DHDDS: variants seen among roughly 807,000 people sequenced by gnomAD.
The protein encoded by DHDDS is dehydrodolichyl diphosphate synthase subunit.
DHDDS carries 16 observed loss-of-function variants against 46.2 expected under a neutral mutation model. That is an observed-to-expected ratio of 0.35 (90% CI 0.23 to 0.53). The LOEUF (loss-of-function observed/expected upper bound fraction) is 0.53, where lower values mean the gene tolerates loss of function less well. Ranked by LOEUF, DHDDS falls within the 20% of genes least tolerant of loss-of-function variation. The pLI is 0.94. For missense variants in DHDDS, 340 were observed against 423.7 expected, an observed-to-expected ratio of 0.80 and a Z score of 1.73; for synonymous variants, 151 against 163.1, an observed-to-expected ratio of 0.93 and a Z score of 0.56.
At chr1:26,454,658 T>C in intron 6 of DHDDS, 1 of 1,436,932 alleles carries the variant, frequency 7.0e-7, no homozygotes, top group Non-Finnish European at 9.6e-7. Flanking sequence ...TAAGTTTTTG[T>C]TTCTTCAGTT....
At chr1:26,464,605 G>A (rs1274912473) in intron 8 of DHDDS, among the ~76,000 whole-genome samples, 1 of 152,144 alleles carries the variant, frequency 6.6e-6, no homozygotes, top group Admixed American at 6.5e-5. Context: ...CAGACTAACA[G>A]CATCCTCACC....
At chr1:26,450,856 G>C (rs971814383) in intron 6 of DHDDS, among the ~76,000 whole-genome samples, 1 of 152,104 alleles carries the variant, frequency 6.6e-6, no homozygotes, top group African/African-American at 2.4e-5. Context: ...TTATATTTTT[G>C]TGCTTTATAA....
chr1:26,440,676 G>C (rs2075209382), intron 3 of DHDDS, among the ~76,000 whole-genome samples: 1 of 152,226 alleles, frequency 6.6e-6, no homozygotes, highest in Non-Finnish European at 1.5e-5. Flanking sequence ...TTTAGGGCCT[G>C]AGGCTATTCA....
chr1:26,455,486 C>A (rs1051371757), intron 6 of DHDDS, among the ~76,000 whole-genome samples: 1 of 152,234 alleles, frequency 6.6e-6, no homozygotes, highest in Admixed American at 6.5e-5. Context: ...GTGGCTCACA[C>A]CTGTAATCCC....
intron 6 of DHDDS, chr1:26,455,143 G>A: frequency 1.3e-6 from 1 of 776,372 alleles, no homozygotes. Flanking sequence ...CTCTTGATTT[G>A]CATGATATCA....
chr1:26,453,547 A>G (rs565584801), intron 6 of DHDDS, among the ~76,000 whole-genome samples: 12 of 152,264 alleles, frequency 7.9e-5, no homozygotes, highest in African/African-American at 2.6e-4. Context: ...GCTTGAGCTC[A>G]TAAGTTCGAG....
chr1:26,446,195 G>C, intron 4 of DHDDS, 121 bp from the exon 5 acceptor site: 1 of 737,284 alleles, frequency 1.4e-6, no homozygotes, highest in Non-Finnish European at 2.3e-6. Flanking sequence ...AATGCATGTA[G>C]AACAGGGTCT....
Position 26,468,922 on chromosome 1 carries a change from C to G in DHDDS, c.793C>G (p.Arg265Gly). The change falls in exon 9 of 9, where the codon CGG (arginine) becomes GGG (glycine). Residue 265 changes from arginine (R) to glycine (G), a missense_variant. Arg to Gly is a moderately radical substitution (Grantham distance 125, BLOSUM62 -2). Coordinates refer to ENST00000236342, the MANE Select transcript of DHDDS (RefSeq NM_205861.3). ...QKARDMYAEE[R>G]KRQQLERDQA... ...GGCCCGAGACATGTATGCAGAGGAG[C>G]GGAAGAGGCAGCAGCTGGAGAGGGA... 1 of 1,613,900 alleles carries G rather than the reference C, an allele frequency of 6.2e-7. No individual in the cohort carries two copies. The highest frequency in any genetic ancestry group is 8.5e-7 in the Non-Finnish European group (1 of 1,179,988).
At chr1:26,457,219 G>C (rs2075377653) in intron 6 of DHDDS, among the ~76,000 whole-genome samples, 2 of 151,376 alleles carry the variant, frequency 1.3e-5, no homozygotes, top group South Asian at 4.2e-4. Context: ...AGCACTTTCA[G>C]AGGCCGAGGG....
At chr1:26,433,549 T>A (rs1351732236) in intron 2 of DHDDS, among the ~76,000 whole-genome samples, 1 of 151,588 alleles carries the variant, frequency 6.6e-6, no homozygotes, top group Non-Finnish European at 1.5e-5. Context: ...CTCGGAAGGC[T>A]GAAGTGGGAG....
At chr1:26,441,371 T>C (rs949349840) in intron 3 of DHDDS, among the ~76,000 whole-genome samples, 3 of 152,022 alleles carry the variant, frequency 2.0e-5, no homozygotes, top group Admixed American at 2.0e-4. Flanking sequence ...GCTAAGTTTC[T>C]GTATTTTTAG....
chr1:26,437,517 C>G (rs1292724914), intron 2 of DHDDS, among the ~76,000 whole-genome samples: 4 of 151,080 alleles, frequency 2.6e-5, no homozygotes, highest in Non-Finnish European at 4.4e-5. Flanking sequence ...GTCACCCAGG[C>G]TGGAGTGCAG....
At chr1:26,448,907 G>A (rs920813041) in intron 6 of DHDDS, among the ~76,000 whole-genome samples, 10 of 152,116 alleles carry the variant, frequency 6.6e-5, no homozygotes, top group Non-Finnish European at 1.0e-4. Flanking sequence ...TTCCCGATTC[G>A]ATTGACCTAG....
chr1:26,470,454 T>A lies in DHDDS; in HGVS notation c.*1323T>A, dbSNP rs1487561862. On this transcript the variant is annotated 3_prime_UTR_variant, in exon 9 of 9. Coordinates refer to ENST00000236342, the MANE Select transcript of DHDDS (RefSeq NM_205861.3). Reference sequence around the variant, plus strand: ...GAGCCACCATGCCAGACTTCCCATTTTACTTTCTGCAAGCTGTTTCCCTAG... The same window carrying A: ...GAGCCACCATGCCAGACTTCCCATTATACTTTCTGCAAGCTGTTTCCCTAG... 1 of 152,120 alleles carries A rather than the reference T, an allele frequency of 6.6e-6. No individual in the cohort carries two copies. 9.4% of individuals were successfully genotyped at this position (152,120 alleles called of 1,614,324 possible). A position where few individuals can be genotyped will look rare whatever the true frequency, so the allele number is the denominator to read the frequency against.
intron 8 of DHDDS, among the ~76,000 whole-genome samples, chr1:26,463,943 A>G (rs1480558088): frequency 6.8e-6 from 1 of 147,676 alleles, no homozygotes; most frequent in Non-Finnish European, 1.5e-5. Context: ...AAGGTGTTTG[A>G]GGTCAACTAT....
intron 8 of DHDDS, 83 bp from the exon 9 acceptor site, chr1:26,468,812 C>CCCCCCCCCCACCCCCA: frequency 1.5e-5 from 9 of 601,112 alleles, no homozygotes; most frequent in East Asian, 4.3e-5. Context: ...CCACCCTGTG[C>CCCCCCCCCCACCCCCA]CCCACCCCCT....
At chr1:26,460,016 T>G (rs1342592968) in intron 7 of DHDDS, 21 bp from the exon 8 acceptor site, 1 of 1,593,564 alleles carries the variant, frequency 6.3e-7, no homozygotes, top group African/African-American at 1.3e-5. Flanking sequence ...TAAATCATAC[T>G]CTCCTCCCTA....
intron 8 of DHDDS, among the ~76,000 whole-genome samples, chr1:26,465,845 G>A (rs2124534390): frequency 6.6e-6 from 1 of 152,292 alleles, no homozygotes; most frequent in South Asian, 2.1e-4. Context: ...GCCCTTCTCT[G>A]CCTGAGAGCA....
At chr1:26,447,521 TC>T (rs2075280606) in intron 5 of DHDDS, 37 bp from the exon 6 acceptor site, 1 of 1,535,198 alleles carries the variant, frequency 6.5e-7, no homozygotes, top group Admixed American at 1.7e-5. Context: ...TCAGTCCCTG[TC>T]CCCCTTTGGT....
Sources: allele counts gnomAD v4.1 joint callset (sites outside exome capture counted in the v4.1 genomes callset), GRCh38; gene constraint gnomAD v4.1.1; transcripts MANE v1.5; gene names NCBI Gene and HGNC (gene_info 2026-07-23, HGNC 2026-07-21).